Variants in CNOT6 observed in about 807,000 individuals in gnomAD.
The protein encoded by CNOT6 is carbon catabolite repression 4 protein.
CNOT6 carries 12 observed loss-of-function variants against 61.2 expected under a neutral mutation model. The ratio of observed to expected loss-of-function variants is 0.20; its 90% CI spans 0.13 to 0.32. The LOEUF (loss-of-function observed/expected upper bound fraction) is 0.32. Ranked by LOEUF, CNOT6 falls within the 10% of genes least tolerant of loss-of-function variation. The pLI is 1.00. For missense variants in CNOT6, 405 were observed against 663.9 expected, an observed-to-expected ratio of 0.61 and a Z score of 4.28; for synonymous variants, 225 against 240.6, an observed-to-expected ratio of 0.94 and a Z score of 0.60.
rs1356834725 is a variant in CNOT6 at position 180,574,353 on chromosome 5, C to G, written c.*153C>G. 1 of 656,652 alleles carries G rather than the reference C, an allele frequency of 1.5e-6. No homozygotes were observed. The highest frequency in any genetic ancestry group is 2.6e-6 in the Non-Finnish European group (1 of 379,264). 40.7% of individuals were successfully genotyped at this position (656,652 alleles called of 1,614,324 possible). On this transcript the variant is annotated 3_prime_UTR_variant, in exon 12 of 12. Transcript: ENST00000261951. The stretch of plus-strand genomic sequence containing the variant: ...TTTGATAAGGATATAGTATGAAAGC[C>G]AGGTGCTAGCAACAGACAAATTCTG...
At chr5:180,495,137 CTG>C (rs1312246080) in intron 1 of CNOT6, among the ~76,000 whole-genome samples, 4 of 152,228 alleles carry the variant, frequency 2.6e-5, no homozygotes, top group African/African-American at 7.2e-5. Flanking sequence ...AGAAGCGCCT[CTG>C]TGGGTGGCGC....
intron 1 of CNOT6, among the ~76,000 whole-genome samples, chr5:180,511,519 G>A (rs1045907328): frequency 2.6e-5 from 4 of 152,094 alleles, no homozygotes; most frequent in Non-Finnish European, 5.9e-5. Flanking sequence ...GCTGAGACAG[G>A]AGAATCACTT....
Position 180,567,908 on chromosome 5 carries a change from AGG to A in CNOT6, c.935_936del (p.Gly312ValfsTer2). ...AATCAGCTAGCCATGGCAAATTCTG[AGG>A]GGTCTGAAGCTATGCTGAACAGAGT... On this transcript the variant is annotated frameshift_variant, in exon 9 of 12. Coordinates refer to ENST00000261951, the MANE Select transcript of CNOT6 (RefSeq NM_001370472.1). LOFTEE classifies it high-confidence loss of function. 6.2e-7 allele frequency: 1 copy of A among 1,614,156 alleles called. No homozygotes were observed. The highest frequency in any genetic ancestry group is 8.5e-7 in the Non-Finnish European group (1 of 1,180,026).
intron 1 of CNOT6, among the ~76,000 whole-genome samples, chr5:180,506,794 C>T (rs549750757): frequency 2.0e-4 from 31 of 152,260 alleles, no homozygotes; most frequent in Admixed American, 1.3e-3. Flanking sequence ...TTCTTTTGCA[C>T]TCTTAGAAAA....
rs572622722 is a variant in CNOT6 at position 180,549,375 on chromosome 5, C to T, written c.113-556C>T. The stretch of plus-strand genomic sequence containing the variant: ...ATTTTAAAGGATAAATTTGGCCGGG[C>T]ACAGTGGCTCATGCCTGTAACCCCA... On this transcript the variant is annotated intron_variant, in intron 2 of 11. Coordinates refer to ENST00000261951, the MANE Select transcript of CNOT6 (RefSeq NM_001370472.1). 1.2e-3 allele frequency among the ~76,000 whole-genome samples: 178 copies of T among 152,302 alleles called. 3 individuals are homozygous for T. In the South Asian group the frequency reaches 0.035, roughly 30 times the overall value.
intron 1 of CNOT6, among the ~76,000 whole-genome samples, chr5:180,519,925 C>T (rs571958070): frequency 2.0e-5 from 3 of 151,712 alleles, no homozygotes; most frequent in African/African-American, 7.3e-5. Context: ...CCTCTGCCTC[C>T]TGGATTCAAG....
intron 1 of CNOT6, among the ~76,000 whole-genome samples, chr5:180,525,183 C>G (rs1029896282): frequency 2.0e-5 from 3 of 152,094 alleles, no homozygotes; most frequent in Non-Finnish European, 2.9e-5. Flanking sequence ...TCTTAAGAAG[C>G]TTTTTAGGAT....
At chr5:180,542,275 T>G (rs1304108494) in intron 2 of CNOT6, among the ~76,000 whole-genome samples, 1 of 151,950 alleles carries the variant, frequency 6.6e-6, no homozygotes, top group Non-Finnish European at 1.5e-5. Flanking sequence ...CAATTTTTTT[T>G]TTTTTTTGAG....
At chr5:180,508,402 C>T (rs1757228593) in intron 1 of CNOT6, among the ~76,000 whole-genome samples, 3 of 152,120 alleles carry the variant, frequency 2.0e-5, no homozygotes, top group African/African-American at 4.8e-5. Flanking sequence ...ACTTCTGCTA[C>T]CTGGGCTCAA....
chr5:180,545,246 C>T (rs528734370), intron 2 of CNOT6, among the ~76,000 whole-genome samples: 1 of 152,270 alleles, frequency 6.6e-6, no homozygotes, highest in Non-Finnish European at 1.5e-5. Flanking sequence ...AAACCATCAC[C>T]ACAATCAAGA....
intron 1 of CNOT6, among the ~76,000 whole-genome samples, chr5:180,517,939 C>G (rs111968499): frequency 1.3e-5 from 2 of 152,188 alleles, no homozygotes; most frequent in Non-Finnish European, 2.9e-5. Context: ...TTACGTGTCT[C>G]CATATTGTAA....
intron 2 of CNOT6, among the ~76,000 whole-genome samples, chr5:180,544,055 C>T (rs545675658): frequency 6.8e-4 from 103 of 152,334 alleles, no homozygotes; most frequent in African/African-American, 2.4e-3. Flanking sequence ...TCGTGATCCA[C>T]CCGCCTCGAC....
Position 180,529,298 on chromosome 5 carries a change from C to A in CNOT6, c.22C>A (p.Pro8Thr). 1 of 1,609,822 alleles carries A rather than the reference C, an allele frequency of 6.2e-7. No individual in the cohort carries two copies. The highest frequency in any genetic ancestry group is 8.5e-7 in the Non-Finnish European group (1 of 1,176,744). ...AGGCATGCCCAAAGAAAAATACGAGCCCCCTGACCCTCGGAGGATGTATAC... is the reference window on the plus strand; with the variant it reads ...AGGCATGCCCAAAGAAAAATACGAGACCCCTGACCCTCGGAGGATGTATAC... Reference protein sequence around the residue: MPKEKYEPPDPRRMYTIM... With the variant: MPKEKYETPDPRRMYTIM... Residue 8 changes from proline to threonine, a missense_variant, in exon 2 of 12, where the codon CCC (proline) becomes ACC (threonine). Pro to Thr is a conservative substitution (Grantham distance 38, BLOSUM62 -1). This residue lies in a region of CNOT6 where 212 missense variants were observed against 307.1 expected (regional missense o/e 0.69). Transcript: ENST00000261951.
chr5:180,554,730 G>C (rs1469789847), intron 4 of CNOT6, among the ~76,000 whole-genome samples: 1 of 152,132 alleles, frequency 6.6e-6, no homozygotes, highest in Non-Finnish European at 1.5e-5. Flanking sequence ...GAACAGAAAA[G>C]TACTGTGTGG....
chr5:180,567,764 G>A, intron 8 of CNOT6, 85 bp from the exon 9 acceptor site: 1 of 1,589,024 alleles, frequency 6.3e-7, no homozygotes, highest in South Asian at 1.1e-5. Flanking sequence ...TGTTAAGGAA[G>A]TTTGGGAAAA....
In CNOT6 at chr5:180,577,415, G is replaced by C. The variant is rs1581583315; in HGVS notation, c.*3215G>C. On this transcript the variant is annotated 3_prime_UTR_variant, in exon 12 of 12. Coordinates refer to ENST00000261951, the MANE Select transcript of CNOT6 (RefSeq NM_001370472.1). ...AACTAGTTTCCATACTGACTTGTAA[G>C]GTTTTGGGGTCATATATAAGGACTA... 6.6e-6 allele frequency: 1 copy of C among 152,622 alleles called. No individual in the cohort carries two copies. The highest frequency in any genetic ancestry group is 1.9e-4 in the East Asian group (1 of 5,178). 9.5% of individuals were successfully genotyped at this position (152,622 alleles called of 1,614,324 possible). A position where few individuals can be genotyped will look rare whatever the true frequency, so the allele number is the denominator to read the frequency against.
chr5:180,564,276 C>A (rs6889526), intron 4 of CNOT6, among the ~76,000 whole-genome samples: 25,479 of 152,132 alleles, frequency 0.17, 2,240 homozygotes, highest in Non-Finnish European at 0.19. Flanking sequence ...TTGACATCAG[C>A]CCATTAACAT....
chr5:180,565,106 C>G (rs1443800159), intron 6 of CNOT6, among the ~76,000 whole-genome samples: 1 of 152,260 alleles, frequency 6.6e-6, no homozygotes, highest in Non-Finnish European at 1.5e-5. Flanking sequence ...GCCCCCACAA[C>G]AGACTTCACC....
chr5:180,549,627 C>G (rs905691729), intron 2 of CNOT6, among the ~76,000 whole-genome samples: 6 of 150,988 alleles, frequency 4.0e-5, no homozygotes, highest in Non-Finnish European at 8.8e-5. Context: ...CCAGCCTGGG[C>G]AACAGAGCGA....
Sources: gnomAD v4.1 joint callset for allele counts (sites outside exome capture counted in the v4.1 genomes callset) on GRCh38, gnomAD v4.1.1 for gene constraint, gnomAD v4.1.1 regional missense constraint, MANE v1.5 for transcripts, NCBI Gene and HGNC (gene_info 2026-07-23, HGNC 2026-07-21) for gene names.